Variants in CELSR1 observed in about 807,000 individuals in gnomAD.
The protein encoded by CELSR1 is cadherin EGF LAG seven-pass G-type receptor 1.
A neutral mutation model predicts 249.1 loss-of-function variants in CELSR1; 110 were observed. That is an observed-to-expected ratio of 0.44 (90% CI 0.38 to 0.52). The LOEUF is 0.52. CELSR1 is among the 20% of genes least tolerant of loss of function. CELSR1 has a pLI of 0.00. For synonymous variants in CELSR1, 2,113 were observed against 1,900.0 expected (o/e 1.11, Z -2.92); for missense variants, 4,109 against 4,296.4 (o/e 0.96, Z 1.22).
Position 46,410,598 on chromosome 22 carries a change from G to T in CELSR1, c.4770-37C>A. Reference sequence around the variant, plus strand: ...AAGCCATCTTCTGTGACGTCAGGGCGGGGAGAGGCGGCCACGGCGGGCTGG... The same window carrying T: ...AAGCCATCTTCTGTGACGTCAGGGCTGGGAGAGGCGGCCACGGCGGGCTGG... On this transcript the variant is annotated intron_variant, in intron 6 of 34. Transcript: ENST00000674500. This position sits in a 1 kb window ranked among gnomAD's most constrained non-coding sequence, Gnocchi z 6.8. The T allele has an allele frequency of 6.2e-7, 1 of 1,601,114 alleles. No homozygotes were observed. Among genetic ancestry groups the T allele is most frequent in the South Asian group, 1.1e-5 (1 of 90,892 alleles).
In CELSR1 at chr22:46,439,328, T is replaced by A. The variant is rs761062690; in HGVS notation, c.4267A>T (p.Ile1423Phe). ...GGACACACGCAGTGGAAGCCGCCGA[T>A]GAGCAGGTTCACGCAGGTGCCCCCG... is the stretch of plus-strand genomic sequence containing the variant. ...KNGGTCVNLL[I>F]GGFHCVCPPG... The change falls in exon 3 of 35, where the codon ATC becomes TTC. Residue 1423 changes from isoleucine (I) to phenylalanine (F), a missense_variant. Ile to Phe is a conservative substitution (Grantham distance 21, BLOSUM62 0). Transcript: ENST00000674500. 1 of 1,614,012 alleles carries A rather than the reference T, an allele frequency of 6.2e-7. No individual in the cohort carries two copies. Among genetic ancestry groups the A allele is most frequent in the South Asian group, 1.1e-5 (1 of 91,084 alleles).
chr22:46,436,865 C>T lies in CELSR1; in HGVS notation c.4407-576G>A, dbSNP rs1398883577. On this transcript the variant is annotated intron_variant, in intron 3 of 34. Coordinates refer to ENST00000674500, the MANE Select transcript of CELSR1 (RefSeq NM_001378328.1). This position sits in a 1 kb window ranked among gnomAD's most constrained non-coding sequence, Gnocchi z 5.9. The stretch of plus-strand genomic sequence containing the variant: ...GCTTTGCAGATCACTCAGGGGTCAA[C>T]CCAGCTGTACTTGCCCTGACTCATT... 6.6e-6 allele frequency among the ~76,000 whole-genome samples: 1 copy of T among 152,184 alleles called. No individual in the cohort carries two copies. Among genetic ancestry groups the T allele is most frequent in the Non-Finnish European group, 1.5e-5 (1 of 68,026 alleles).
chr22:46,375,539 CTTTTTTT>C (rs971800051), intron 24 of CELSR1, among the ~76,000 whole-genome samples: 2 of 120,584 alleles, frequency 1.7e-5, no homozygotes, highest in African/African-American at 3.4e-5. Context: ...CTGCCAGGCT[CTTTTTTT>C]TTTTTTTTTT....
chr22:46,531,788 G>C (rs1602248438), intron 1 of CELSR1, among the ~76,000 whole-genome samples: 1 of 152,174 alleles, frequency 6.6e-6, no homozygotes, highest in East Asian at 1.9e-4. Flanking sequence ...AAAGAGTAAA[G>C]AAAACCGCCT....
intron 1 of CELSR1, among the ~76,000 whole-genome samples, chr22:46,496,524 C>T (rs1302302866): frequency 3.3e-5 from 5 of 151,982 alleles, no homozygotes; most frequent in East Asian, 1.9e-4. Flanking sequence ...GCCAAGATCA[C>T]GCCACTGCAC....
chr22:46,452,125 G>A (rs60885117), intron 2 of CELSR1, among the ~76,000 whole-genome samples: 16,077 of 152,022 alleles, frequency 0.11, 915 homozygotes, highest in Admixed American at 0.2. Flanking sequence ...TATTTTCAGC[G>A]CCCCGGTTTG....
chr22:46,439,252 G>T lies in CELSR1; in HGVS notation c.4343C>A (p.Pro1448Gln), dbSNP rs377649796. ...CCGGAAGGTGACGAAGGACTGGGGC[G>T]GGAAGCTCCTGGTGGTCACCTCACA... ...PYCEVTTRSF[P>Q]PQSFVTFRGL... Residue 1448 changes from proline to glutamine, a missense_variant, in exon 3 of 35, where the codon CCG becomes CAG. Pro to Gln is a moderately conservative substitution (Grantham distance 76, BLOSUM62 -1). Coordinates refer to ENST00000674500, the MANE Select transcript of CELSR1 (RefSeq NM_001378328.1). 6.2e-7 allele frequency: 1 copy of T among 1,613,976 alleles called. No homozygotes were observed. Among genetic ancestry groups the T allele is most frequent in the African/African-American group, 1.3e-5 (1 of 74,902 alleles).
chr22:46,532,169 T>C (rs2080798576), intron 1 of CELSR1, among the ~76,000 whole-genome samples: 1 of 152,204 alleles, frequency 6.6e-6, no homozygotes, highest in Admixed American at 6.5e-5. Flanking sequence ...CACTATCTCG[T>C]CCCTCATTAA....
intron 1 of CELSR1, among the ~76,000 whole-genome samples, chr22:46,525,527 T>G (rs1400039548): frequency 6.6e-6 from 1 of 151,922 alleles, no homozygotes; most frequent in Non-Finnish European, 1.5e-5. Context: ...TTTGGGGCAT[T>G]TATATGAACC....
rs976543316 is a variant in CELSR1 at position 46,391,105 on chromosome 22, C to T, written c.6250+81G>A. ...GGATATTTTTTCAACACGAAACATT[C>T]CATGAGTCCCCACATCTCGACTGGC... is the stretch of plus-strand genomic sequence containing the variant. On this transcript the variant is annotated intron_variant, in intron 16 of 34. Coordinates refer to ENST00000674500, the MANE Select transcript of CELSR1 (RefSeq NM_001378328.1). This position sits in a 1 kb window ranked among gnomAD's most constrained non-coding sequence, Gnocchi z 4.3. 2.4e-5 allele frequency: 28 copies of T among 1,144,506 alleles called. No homozygotes were observed. Among genetic ancestry groups the T allele is most frequent in the Non-Finnish European group, 3.3e-5 (26 of 784,848 alleles). 70.9% of individuals were successfully genotyped at this position (1,144,506 alleles called of 1,614,324 possible).
chr22:46,439,736 C>A (rs1487960070), intron 2 of CELSR1, among the ~76,000 whole-genome samples: 1 of 152,082 alleles, frequency 6.6e-6, no homozygotes, highest in Non-Finnish European at 1.5e-5. Context: ...TTCTGAGCAC[C>A]CTGCAGGCTG....
intron 19 of CELSR1, among the ~76,000 whole-genome samples, chr22:46,385,545 C>T (rs1321718808): frequency 1.3e-5 from 2 of 152,216 alleles, no homozygotes. Context: ...CCTGCCGGAC[C>T]CCCAAGATCA....
chr22:46,385,670 G>A lies in CELSR1; in HGVS notation c.6739+732C>T, dbSNP rs1014883568. On this transcript the variant is annotated intron_variant, in intron 19 of 34. Transcript: ENST00000674500. Reference sequence around the variant, plus strand: ...ATGAGGAAACAGAGGCCTACCTGCCGAATATTTTTTTTTTTTTTTTTTTTT... The same window carrying A: ...ATGAGGAAACAGAGGCCTACCTGCCAAATATTTTTTTTTTTTTTTTTTTTT... Among the ~76,000 whole-genome samples the A allele has an allele frequency of 6.2e-5, 9 of 145,450 alleles. No homozygotes were observed. The South Asian group carries it at 6.3e-4, about 10-fold the overall frequency.
In CELSR1 at chr22:46,402,741, G is replaced by A. The variant is rs1453788123; in HGVS notation, c.5227-2839C>T. On this transcript the variant is annotated intron_variant, in intron 9 of 34. Transcript: ENST00000674500. This position sits in a 1 kb window ranked among gnomAD's most constrained non-coding sequence, Gnocchi z 5.0. ...CAGTGAGACAATTAGACTTACTTCT[G>A]GGTGTAGGTGTTACAGAGATAAGGG... is the stretch of plus-strand genomic sequence containing the variant. 1.3e-5 allele frequency among the ~76,000 whole-genome samples: 2 copies of A among 152,226 alleles called. No individual in the cohort carries two copies. Among genetic ancestry groups the A allele is most frequent in the Non-Finnish European group, 2.9e-5 (2 of 68,014 alleles).
rs1602184099 is a variant in CELSR1 at position 46,472,382 on chromosome 22, C to T, written c.3545-8037G>A. ...AGTGGGGGCAGAGGTCACATCATGG[C>T]CCTCAAGGAGCAGGCAGCCCTCAGG... On this transcript the variant is annotated intron_variant, in intron 1 of 34. Coordinates refer to ENST00000674500, the MANE Select transcript of CELSR1 (RefSeq NM_001378328.1). The surrounding 1 kb of genome is among the most constrained non-coding windows in gnomAD (Gnocchi z 7.0). 6.6e-6 allele frequency among the ~76,000 whole-genome samples: 1 copy of T among 152,158 alleles called. No individual in the cohort carries two copies. The highest frequency in any genetic ancestry group is 1.9e-4 in the East Asian group (1 of 5,178).
Position 46,406,732 on chromosome 22 carries a change from C to T in CELSR1, c.5226+2264G>A, listed in dbSNP as rs1032507958. On this transcript the variant is annotated intron_variant, in intron 9 of 34. Transcript: ENST00000674500. This position sits in a 1 kb window ranked among gnomAD's most constrained non-coding sequence, Gnocchi z 5.4. The stretch of plus-strand genomic sequence containing the variant: ...TGGGCAGGAAAAGAACCATAGGGTC[C>T]CTAGTGAAGAGCCTCTACGCCTCAG... Among the ~76,000 whole-genome samples the T allele has an allele frequency of 6.6e-6, 1 of 152,168 alleles. No homozygotes were observed. The highest frequency in any genetic ancestry group is 6.5e-5 in the Admixed American group (1 of 15,280).
In CELSR1 at chr22:46,534,285, G is replaced by A. The variant is rs771214806; in HGVS notation, c.2886C>T (p.Ala962=). 26 of 1,613,134 alleles carry A rather than the reference G, an allele frequency of 1.6e-5. No homozygotes were observed. Among genetic ancestry groups the A allele is most frequent in the Middle Eastern group, 1.6e-4 (1 of 6,084 alleles). ...TQRRLDRENV[A]VYNLWALAVD... ...CAGCCAGAGCCCAAAGGTTGTACAC[G>A]GCCACATTCTCCCGGTCCAGCCGGC... Residue 962 remains alanine, a synonymous_variant, in exon 1 of 35, where the codon GCC becomes GCT. Transcript: ENST00000674500. The surrounding 1 kb of genome is among the most constrained non-coding windows in gnomAD (Gnocchi z 9.7).
Position 46,411,000 on chromosome 22 carries a change from G to A in CELSR1, c.4770-439C>T, listed in dbSNP as rs1436666853. On this transcript the variant is annotated intron_variant, in intron 6 of 34. Coordinates refer to ENST00000674500, the MANE Select transcript of CELSR1 (RefSeq NM_001378328.1). This position sits in a 1 kb window ranked among gnomAD's most constrained non-coding sequence, Gnocchi z 6.8. ...AGGCGGGCAGATCACGAGGTCAAGAGATCGAGACCATCCTGGCCAACAGGA... is the reference window on the plus strand; with the variant it reads ...AGGCGGGCAGATCACGAGGTCAAGAAATCGAGACCATCCTGGCCAACAGGA... 2.6e-5 allele frequency among the ~76,000 whole-genome samples: 4 copies of A among 152,176 alleles called. No individual in the cohort carries two copies. Among genetic ancestry groups the A allele is most frequent in the Admixed American group, 6.5e-5 (1 of 15,286 alleles).
At position 46,364,681 on chromosome 22, in the gene CELSR1, C is replaced by T; in HGVS notation, c.8610G>A (p.Glu2870=). ...PAGWPDQSLA[E]SDSEDPSGKP... ...TGCCGCTGGGGTCCTCACTGTCACT[C>T]TCAGCCAGGCTCTGGTCGGGCCAGC... Residue 2870 remains glutamate, a synonymous_variant, in exon 33 of 35, where the codon GAG becomes GAA. Coordinates refer to ENST00000674500, the MANE Select transcript of CELSR1 (RefSeq NM_001378328.1). The T allele has an allele frequency of 1.2e-6, 2 of 1,612,610 alleles. No homozygotes were observed. Among genetic ancestry groups the T allele is most frequent in the East Asian group, 4.5e-5 (2 of 44,864 alleles).
Sources: gnomAD v4.1 joint callset for allele counts (sites outside exome capture counted in the v4.1 genomes callset) on GRCh38, gnomAD v4.1.1 for gene constraint, Gnocchi (gnomAD v3.1) non-coding constraint, MANE v1.5 for transcripts, NCBI Gene and HGNC (gene_info 2026-07-23, HGNC 2026-07-21) for gene names.